Variants in EEF2K observed in about 807,000 individuals in gnomAD.
EEF2K encodes eukaryotic elongation factor 2 kinase, also known as alternative protein EEF2K.
Under a neutral mutation model 93.8 loss-of-function variants are expected in EEF2K, and 70 were observed. That is an observed-to-expected ratio of 0.75 (90% confidence interval 0.62 to 0.91). The LOEUF is 0.91. Ranked by LOEUF, EEF2K falls within the 40% of genes least tolerant of loss-of-function variation. The pLI is 0.00. For missense variants in EEF2K, 935 were observed against 972.9 expected, an observed-to-expected ratio of 0.96 and a Z score of 0.52; for synonymous variants, 376 against 380.8, an observed-to-expected ratio of 0.99 and a Z score of 0.15.
Position 22,250,664 on chromosome 16 carries a change from GA to G in EEF2K, c.420del (p.Gly141GlufsTer3). 6.2e-7 allele frequency: 1 copy of G among 1,614,216 alleles called. No individual in the cohort carries two copies. The highest frequency in any genetic ancestry group is 8.5e-7 in the Non-Finnish European group (1 of 1,180,042). ...LIKMASQPFGRGAMRECFRTK... is the reference protein window; with the variant it reads ...LIKMASQPFGXGAMRECFRTK... The stretch of plus-strand genomic sequence containing the variant: ...TGTGGTGTCTTTCAGCCCTTCGGCC[GA>G]GGAGCAATGAGGGAGTGCTTCCGGA... On this transcript the variant is annotated frameshift_variant, in exon 5 of 18. Coordinates refer to ENST00000263026, the MANE Select transcript of EEF2K (RefSeq NM_013302.5). LOFTEE classifies it high-confidence loss of function.
chr16:22,219,082 T>C (rs2046988307), intron 1 of EEF2K, among the ~76,000 whole-genome samples: 1 of 152,118 alleles, frequency 6.6e-6, no homozygotes, highest in South Asian at 2.1e-4. Context: ...GAGTAGATCC[T>C]TTCTTTGGGC....
intron 1 of EEF2K, among the ~76,000 whole-genome samples, chr16:22,212,622 C>G (rs1296283760): frequency 6.6e-6 from 1 of 151,980 alleles, no homozygotes; most frequent in Non-Finnish European, 1.5e-5. Context: ...ACCTGGCCTT[C>G]TCTGTCTCTT....
rs1261329780 is a variant in EEF2K at position 22,274,127 on chromosome 16, G to A, written c.1889+377G>A. Among the ~76,000 whole-genome samples the A allele has an allele frequency of 4.6e-5, 7 of 152,092 alleles. No individual in the cohort carries two copies. The East Asian group carries it at 1.3e-3, about 29-fold the overall frequency. On this transcript the variant is annotated intron_variant, in intron 16 of 17. Transcript: ENST00000263026. The stretch of plus-strand genomic sequence containing the variant: ...TCAAGACCAGGCTTGCCAACATGGT[G>A]AAACTCTGTCTCTACTGAAAATACA...
chr16:22,257,624 AC>A lies in EEF2K; in HGVS notation c.902-14del. ...CACAGAGCAAAGCAACACTCCAGAC[AC>A]CCCCGCTCTGTCCACAGGTGTCCGC... On this transcript the variant is annotated intron_variant, in intron 8 of 17. Transcript: ENST00000263026. The A allele has an allele frequency of 6.2e-7, 1 of 1,610,282 alleles. No homozygotes were observed.
intron 2 of EEF2K, among the ~76,000 whole-genome samples, chr16:22,233,787 T>A (rs548066454): frequency 6.6e-6 from 1 of 152,208 alleles, no homozygotes; most frequent in Admixed American, 6.5e-5. Flanking sequence ...TCTTTTGAGA[T>A]AGGGTTGCCC....
At chr16:22,260,375 A>C in intron 10 of EEF2K, 87 bp from the exon 11 acceptor site, 1 of 1,290,298 alleles carries the variant, frequency 7.8e-7, no homozygotes, top group Non-Finnish European at 1.1e-6. Flanking sequence ...GCTTGGTGGC[A>C]GGTATGGACC....
intron 1 of EEF2K, among the ~76,000 whole-genome samples, chr16:22,211,899 T>C (rs1229488213): frequency 6.6e-6 from 1 of 152,002 alleles, no homozygotes; most frequent in Non-Finnish European, 1.5e-5. Context: ...GGCTGGGAGC[T>C]GCAGAGGAAC....
chr16:22,213,779 G>A (rs11647193), intron 1 of EEF2K, among the ~76,000 whole-genome samples: 4,832 of 152,204 alleles, frequency 0.032, 113 homozygotes, highest in Non-Finnish European at 0.052. Flanking sequence ...AGCCAGCAGT[G>A]TGGCAACTTC....
intron 11 of EEF2K, among the ~76,000 whole-genome samples, chr16:22,262,155 A>G (rs772565268): frequency 6.6e-6 from 1 of 152,180 alleles, no homozygotes; most frequent in Non-Finnish European, 1.5e-5. Flanking sequence ...CTGAAGTTTT[A>G]GAGATTCTAA....
At chr16:22,219,691 T>C (rs1172938416) in intron 1 of EEF2K, among the ~76,000 whole-genome samples, 1 of 152,164 alleles carries the variant, frequency 6.6e-6, no homozygotes, top group Non-Finnish European at 1.5e-5. Context: ...AAGGAGCTAC[T>C]GTTACCAAAT....
At chr16:22,226,955 T>C (rs2047070920) in intron 2 of EEF2K, among the ~76,000 whole-genome samples, 1 of 152,040 alleles carries the variant, frequency 6.6e-6, no homozygotes, top group African/African-American at 2.4e-5. Context: ...ATCCCAGCAG[T>C]TGGGGAGGCC....
At chr16:22,264,698 A>C in intron 12 of EEF2K, 120 bp from the exon 13 acceptor site, 7 of 1,061,472 alleles carry the variant, frequency 6.6e-6, no homozygotes, top group Non-Finnish European at 9.6e-6. Context: ...ATTTTCTGAG[A>C]TAAGGGTCAC....
At chr16:22,240,973 T>C (rs1179054192) in intron 2 of EEF2K, among the ~76,000 whole-genome samples, 2 of 151,944 alleles carry the variant, frequency 1.3e-5, no homozygotes, top group East Asian at 3.9e-4. Context: ...TTTTACCATG[T>C]TGGCCAGGCT....
rs949206894 is a variant in EEF2K at position 22,286,374 on chromosome 16, C to T, written c.*2378C>T. 1 of 152,206 alleles carries T rather than the reference C, an allele frequency of 6.6e-6. No homozygotes were observed. Among genetic ancestry groups the T allele is most frequent in the Non-Finnish European group, 1.5e-5 (1 of 68,042 alleles). 9.4% of individuals were successfully genotyped at this position (152,206 alleles called of 1,614,324 possible). A position where few individuals can be genotyped will look rare whatever the true frequency, so the allele number is the denominator to read the frequency against. On this transcript the variant is annotated 3_prime_UTR_variant, in exon 18 of 18. Coordinates refer to ENST00000263026, the MANE Select transcript of EEF2K (RefSeq NM_013302.5). Reference sequence around the variant, plus strand: ...GCTTTTTAAATTCAGCCAGCCCCCCCTCTCTGAAATTTTATTATGTAAATA... The same window carrying T: ...GCTTTTTAAATTCAGCCAGCCCCCCTTCTCTGAAATTTTATTATGTAAATA...
intron 1 of EEF2K, among the ~76,000 whole-genome samples, chr16:22,217,902 A>G (rs1317994338): frequency 6.6e-6 from 1 of 152,212 alleles, no homozygotes; most frequent in African/African-American, 2.4e-5. Flanking sequence ...TTTCGGGAAC[A>G]TCTGGATTCC....
At chr16:22,210,835 C>T (rs941390968) in intron 1 of EEF2K, among the ~76,000 whole-genome samples, 3 of 151,928 alleles carry the variant, frequency 2.0e-5, no homozygotes, top group African/African-American at 4.8e-5. Flanking sequence ...GTTCAGAGCC[C>T]GAGGAGGAAG....
At chr16:22,274,075 G>A (rs901163001) in intron 16 of EEF2K, among the ~76,000 whole-genome samples, 1 of 152,186 alleles carries the variant, frequency 6.6e-6, no homozygotes, top group African/African-American at 2.4e-5. Flanking sequence ...GGAGGCCAAG[G>A]CGGGCAGATC....
At chr16:22,273,473 C>A (rs772273440) in intron 15 of EEF2K, among the ~76,000 whole-genome samples, 153 bp from the exon 16 acceptor site, 1 of 152,092 alleles carries the variant, frequency 6.6e-6, no homozygotes, top group African/African-American at 2.4e-5. Flanking sequence ...AGCCAAGCCT[C>A]TGGAGTCAAG....
chr16:22,263,005 A>G (rs1309178264), intron 11 of EEF2K, 105 bp from the exon 12 acceptor site: 7 of 1,026,276 alleles, frequency 6.8e-6, no homozygotes, highest in Non-Finnish European at 8.5e-6. Context: ...GTGTTAGGTA[A>G]TGGGACAGAG....
Sources: allele counts gnomAD v4.1 joint callset (sites outside exome capture counted in the v4.1 genomes callset), GRCh38; gene constraint gnomAD v4.1.1; transcripts MANE v1.5; gene names NCBI Gene and HGNC (gene_info 2026-07-23, HGNC 2026-07-21).